The following CSMD1 variants were observed in gnomAD, a reference collection of about 807,000 sequenced individuals.
CSMD1 encodes the protein CUB and Sushi multiple domains 1.
Under a neutral mutation model 417.5 loss-of-function variants are expected in CSMD1, and 213 were observed. That is an observed-to-expected ratio of 0.51 (90% CI 0.46 to 0.57). The LOEUF (loss-of-function observed/expected upper bound fraction) is 0.57. Ranked by LOEUF, CSMD1 falls within the 20% of genes least tolerant of loss-of-function variation. The pLI is 0.00. For synonymous variants in CSMD1, 2,862 were observed against 1,736.8 expected (o/e 1.65, Z -16.11); for missense variants, 6,923 against 4,529.7 (o/e 1.53, Z -15.17).
chr8:4,148,597 G>T (rs915395628), intron 3 of CSMD1, among the ~76,000 whole-genome samples: 4 of 152,114 alleles, frequency 2.6e-5, no homozygotes, highest in Non-Finnish European at 5.9e-5. Flanking sequence ...TGTCTGGTCT[G>T]GTGAGAGCCT....
chr8:3,455,384 C>A (rs1563055348), intron 12 of CSMD1, among the ~76,000 whole-genome samples: 1 of 152,372 alleles, frequency 6.6e-6, no homozygotes, highest in Middle Eastern at 3.4e-3. Flanking sequence ...GGAGGAGAGG[C>A]ACTCTGATTT....
chr8:4,219,635 A>T (rs1169585416), intron 3 of CSMD1, among the ~76,000 whole-genome samples: 2 of 152,208 alleles, frequency 1.3e-5, no homozygotes, highest in African/African-American at 4.8e-5. Flanking sequence ...CTTTAAGCAA[A>T]TCTTTGTTCA....
intron 1 of CSMD1, among the ~76,000 whole-genome samples, chr8:4,723,146 C>T (rs561068396): frequency 6.6e-6 from 1 of 152,230 alleles, no homozygotes; most frequent in South Asian, 2.1e-4. Flanking sequence ...TATTTGAGTG[C>T]ATTAGTGGAA....
At chr8:4,122,976 A>G (rs1644083970) in intron 3 of CSMD1, among the ~76,000 whole-genome samples, 1 of 152,224 alleles carries the variant, frequency 6.6e-6, no homozygotes, top group African/African-American at 2.4e-5. Flanking sequence ...ACCTACGGTG[A>G]TAATTGGCAA....
In CSMD1 at chr8:4,867,563, A is replaced by C. The variant is rs373640799; in HGVS notation, c.85+126769T>G. ...AGCAAATTGCAAGGGATAGTCCCAG[A>C]GCAGCCATAATTTCGCTTTTTTCAT... is the stretch of plus-strand genomic sequence containing the variant. On this transcript the variant is annotated intron_variant, in intron 1 of 69. Transcript: ENST00000635120. Among the ~76,000 whole-genome samples, 13 of 152,194 alleles carry C rather than the reference A, an allele frequency of 8.5e-5. No individual in the cohort carries two copies. The East Asian group carries it at 2.3e-3, about 27-fold the overall frequency.
chr8:4,129,579 G>A (rs574568745), intron 3 of CSMD1, among the ~76,000 whole-genome samples: 176 of 13,062 alleles, frequency 0.013, 1 homozygote, highest in Non-Finnish European at 0.022. Flanking sequence ...TTTACTTTAC[G>A]TTTTTTATTA....
intron 3 of CSMD1, among the ~76,000 whole-genome samples, chr8:4,215,851 A>AT (rs1222719735): frequency 1.3e-5 from 2 of 152,224 alleles, no homozygotes; most frequent in Non-Finnish European, 2.9e-5. Flanking sequence ...GGCAGGGTTT[A>AT]TGTGATTAAT....
intron 8 of CSMD1, among the ~76,000 whole-genome samples, chr8:3,601,355 T>A (rs1350867452): frequency 6.6e-6 from 1 of 152,228 alleles, no homozygotes; most frequent in Non-Finnish European, 1.5e-5. Flanking sequence ...CAGCAGATAC[T>A]GAAAGTGTTT....
At chr8:4,595,387 C>CTTTTTTTTTTTTTTTTTTTTT in intron 2 of CSMD1, among the ~76,000 whole-genome samples, 13 of 147,434 alleles carry the variant, frequency 8.8e-5, no homozygotes, top group East Asian at 2.0e-4. Flanking sequence ...CATTCATTTT[C>CTTTTTTTTTTTTTTTTTTTTT]ATTCCATCCA....
intron 1 of CSMD1, among the ~76,000 whole-genome samples, chr8:4,678,236 C>A (rs1227925707): frequency 6.6e-6 from 1 of 151,636 alleles, no homozygotes; most frequent in East Asian, 1.9e-4. Context: ...CCTGGTGAAA[C>A]CCTGTCTCTA....
At chr8:3,887,973 C>A (rs1158774713) in intron 5 of CSMD1, among the ~76,000 whole-genome samples, 8 of 152,148 alleles carry the variant, frequency 5.3e-5, no homozygotes, top group African/African-American at 1.4e-4. Context: ...AGAAAACAAG[C>A]TTGTCAGGAT....
chr8:4,460,933 C>A (rs1441654227), intron 2 of CSMD1, among the ~76,000 whole-genome samples: 1 of 151,906 alleles, frequency 6.6e-6, no homozygotes, highest in Admixed American at 6.6e-5. Context: ...AGGTCAATAC[C>A]CCAATATCAA....
intron 28 of CSMD1, among the ~76,000 whole-genome samples, 191 bp downstream of exon 28, chr8:3,223,538 G>A (rs1210274513): frequency 6.6e-6 from 1 of 152,144 alleles, no homozygotes; most frequent in Non-Finnish European, 1.5e-5. Context: ...TGCATCTTAA[G>A]TAGAATGCCC....
chr8:3,399,481 G>A lies in CSMD1; in HGVS notation c.2315C>T (p.Pro772Leu). The A allele has an allele frequency of 6.2e-7, 1 of 1,610,434 alleles. No individual in the cohort carries two copies. The highest frequency in any genetic ancestry group is 8.5e-7 in the Non-Finnish European group (1 of 1,178,302). Reference sequence around the variant, plus strand: ...ATCCTTATAATATCCTGGCCATCCAGGAGGCAAAATGACTCCGCTGGACGC... The same window carrying A: ...ATCCTTATAATATCCTGGCCATCCAAGAGGCAAAATGACTCCGCTGGACGC... Reference protein sequence around the residue: ...LTASSGVILPPGWPGYYKDSL... With the variant: ...LTASSGVILPLGWPGYYKDSL... Residue 772 changes from proline (P) to leucine (L), a missense_variant, in exon 16 of 70, where the codon CCT (proline) becomes CTT (leucine). Physicochemically the swap from Pro to Leu is moderately conservative, Grantham distance 98 (BLOSUM62 -3). Coordinates refer to ENST00000635120, the MANE Select transcript of CSMD1 (RefSeq NM_033225.6).
intron 18 of CSMD1, among the ~76,000 whole-genome samples, chr8:3,370,092 G>A (rs904354537): frequency 2.6e-5 from 4 of 152,154 alleles, no homozygotes; most frequent in Admixed American, 1.3e-4. Flanking sequence ...TGATCAAAAC[G>A]TTATCTACTG....
chr8:4,257,453 C>T (rs1381828621), intron 3 of CSMD1, among the ~76,000 whole-genome samples: 1 of 151,994 alleles, frequency 6.6e-6, no homozygotes, highest in East Asian at 1.9e-4. Context: ...TTAAGAATTC[C>T]TTCCTTAATA....
intron 2 of CSMD1, among the ~76,000 whole-genome samples, chr8:4,628,919 A>G (rs1639896438): frequency 1.3e-5 from 2 of 152,180 alleles, no homozygotes. Context: ...AAACCTTGGA[A>G]GAAAATGGAC....
At chr8:3,743,524 A>G (rs924306276) in intron 6 of CSMD1, among the ~76,000 whole-genome samples, 1 of 152,210 alleles carries the variant, frequency 6.6e-6, no homozygotes. Context: ...GGAAAGAAAC[A>G]AGGGTGGTTG....
chr8:3,517,954 T>C (rs1585291146), intron 10 of CSMD1, among the ~76,000 whole-genome samples: 1 of 152,182 alleles, frequency 6.6e-6, no homozygotes, highest in African/African-American at 2.4e-5. Context: ...CAAATCTTCA[T>C]GAATTATTAA....
Sources: allele counts gnomAD v4.1 joint callset (sites outside exome capture counted in the v4.1 genomes callset), GRCh38; gene constraint gnomAD v4.1.1; transcripts MANE v1.5; gene names NCBI Gene and HGNC (gene_info 2026-07-23, HGNC 2026-07-21).